The following KCND3 variants were observed in gnomAD, a reference collection of about 807,000 sequenced individuals.
The protein encoded by KCND3 is A-type voltage-gated potassium channel KCND3.
A neutral mutation model predicts 51.1 loss-of-function variants in KCND3; 9 were observed. The ratio of observed to expected loss-of-function variants is 0.18; its 90% CI spans 0.11 to 0.31. The LOEUF is 0.31. KCND3 is among the 10% of genes least tolerant of loss of function. KCND3 has a pLI of 1.00. For synonymous variants in KCND3, 349 were observed against 368.0 expected (o/e 0.95, Z 0.59); for missense variants, 526 against 903.8 (o/e 0.58, Z 5.36).
At chr1:111,942,640 C>A (rs1436720745) in intron 2 of KCND3, among the ~76,000 whole-genome samples, 1 of 152,252 alleles carries the variant, frequency 6.6e-6, no homozygotes, top group Non-Finnish European at 1.5e-5. Context: ...TCTCCACCTT[C>A]CTGTCTCATG....
At chr1:111,975,525 C>A (rs58420091) in intron 2 of KCND3, among the ~76,000 whole-genome samples, 3,511 of 152,272 alleles carry the variant, frequency 0.023, 120 homozygotes, top group African/African-American at 0.08. Context: ...TCAGTCCCAG[C>A]CACCTTGATT....
chr1:111,957,006 T>C (rs1013968847), intron 2 of KCND3, among the ~76,000 whole-genome samples: 52 of 152,226 alleles, frequency 3.4e-4, no homozygotes, highest in Non-Finnish European at 2.6e-4. Flanking sequence ...CAGCGCTATG[T>C]TTAAGACAGA....
At chr1:111,851,659 C>A (rs532651049) in intron 2 of KCND3, among the ~76,000 whole-genome samples, 1 of 152,366 alleles carries the variant, frequency 6.6e-6, no homozygotes, top group South Asian at 2.1e-4. Flanking sequence ...GTCTTCCTCA[C>A]TAGACGTGAG....
intron 2 of KCND3, among the ~76,000 whole-genome samples, chr1:111,930,767 T>C (rs1188383877): frequency 4.6e-5 from 7 of 152,062 alleles, no homozygotes; most frequent in Non-Finnish European, 1.0e-4. Flanking sequence ...TCCAGCAACA[T>C]GGGGATTCTG....
intron 2 of KCND3, among the ~76,000 whole-genome samples, chr1:111,917,524 G>A (rs1300729923): frequency 6.6e-6 from 1 of 152,186 alleles, no homozygotes; most frequent in African/African-American, 2.4e-5. Flanking sequence ...GATGGAGGTG[G>A]TTGTGAGAAA....
intron 2 of KCND3, among the ~76,000 whole-genome samples, chr1:111,839,415 G>T (rs985304219): frequency 1.3e-5 from 2 of 152,224 alleles, no homozygotes; most frequent in Non-Finnish European, 2.9e-5. Flanking sequence ...CTGCCCTTCA[G>T]CATTATCCTA....
At chr1:111,925,046 G>C (rs891779329) in intron 2 of KCND3, among the ~76,000 whole-genome samples, 1 of 152,216 alleles carries the variant, frequency 6.6e-6, no homozygotes, top group Non-Finnish European at 1.5e-5. Context: ...TGATGCTTCA[G>C]ACCTCACCTC....
At chr1:111,817,428 GTA>G (rs1666148985) in intron 2 of KCND3, among the ~76,000 whole-genome samples, 1 of 152,202 alleles carries the variant, frequency 6.6e-6, no homozygotes, top group African/African-American at 2.4e-5. Flanking sequence ...GTGTCACTCA[GTA>G]GTAAATGCAT....
intron 2 of KCND3, among the ~76,000 whole-genome samples, chr1:111,808,956 C>T (rs1665706154): frequency 6.6e-6 from 1 of 152,222 alleles, no homozygotes; most frequent in South Asian, 2.1e-4. Flanking sequence ...CCTGAATGAC[C>T]CCATCCTCCA....
At chr1:111,809,048 G>A (rs1404103773) in intron 2 of KCND3, among the ~76,000 whole-genome samples, 2 of 152,210 alleles carry the variant, frequency 1.3e-5, no homozygotes, top group Admixed American at 6.5e-5. Flanking sequence ...GAAGTGTAAG[G>A]GAGAAGGATT....
At chr1:111,938,707 G>A (rs575274299) in intron 2 of KCND3, among the ~76,000 whole-genome samples, 5 of 152,334 alleles carry the variant, frequency 3.3e-5, no homozygotes, top group East Asian at 3.9e-4. Flanking sequence ...AGGCAGGAAC[G>A]TGCTTGGCTA....
intron 2 of KCND3, among the ~76,000 whole-genome samples, chr1:111,818,482 C>T (rs559770788): frequency 5.3e-5 from 8 of 152,274 alleles, no homozygotes; most frequent in South Asian, 4.1e-4. Context: ...GTTGTGCCAG[C>T]GAGGGGTTTT....
chr1:111,866,937 G>A (rs1557987486), intron 2 of KCND3, among the ~76,000 whole-genome samples: 1 of 152,144 alleles, frequency 6.6e-6, no homozygotes, highest in South Asian at 2.1e-4. Flanking sequence ...CCATTTGAAG[G>A]GCACTGTGAT....
At chr1:111,897,257 C>G (rs1188755995) in intron 2 of KCND3, among the ~76,000 whole-genome samples, 1 of 152,214 alleles carries the variant, frequency 6.6e-6, no homozygotes, top group Non-Finnish European at 1.5e-5. Flanking sequence ...CGGCCTGCCT[C>G]TCTGCACCCT....
At chr1:111,935,744 C>T (rs9429610) in intron 2 of KCND3, among the ~76,000 whole-genome samples, 52,850 of 152,008 alleles carry the variant, frequency 0.35, 9,344 homozygotes, top group Middle Eastern at 0.41. Context: ...GGCAAACTTA[C>T]CCTGTTCATG....
intron 3 of KCND3, among the ~76,000 whole-genome samples, chr1:111,782,654 T>C (rs1477956631): frequency 6.6e-6 from 1 of 152,190 alleles, no homozygotes; most frequent in Non-Finnish European, 1.5e-5. Context: ...CTTATTATAG[T>C]CTTATATAAT....
intron 2 of KCND3, among the ~76,000 whole-genome samples, chr1:111,813,172 G>A (rs1571679592): frequency 6.6e-6 from 1 of 152,094 alleles, no homozygotes; most frequent in East Asian, 1.9e-4. Flanking sequence ...AGGGGTCATA[G>A]TGAGGTCACA....
intron 2 of KCND3, among the ~76,000 whole-genome samples, chr1:111,960,397 G>T (rs532526532): frequency 6.6e-5 from 10 of 152,204 alleles, no homozygotes; most frequent in Non-Finnish European, 1.5e-4. Context: ...TGATAAAGCC[G>T]TATTTAGCAC....
In KCND3 at chr1:111,821,863, G is replaced by GGT. The variant is rs557292228; in HGVS notation, c.1107-34759_1107-34758dup. Among the ~76,000 whole-genome samples the GGT allele has an allele frequency of 2.6e-5, 4 of 152,152 alleles. No individual in the cohort carries two copies. In the East Asian group the frequency reaches 5.8e-4, roughly 22 times the overall value. On this transcript the variant is annotated intron_variant, in intron 2 of 7. Coordinates refer to ENST00000302127, the MANE Select transcript of KCND3 (RefSeq NM_001378969.1). ...GGTGGTGGGGATGGCTGGCTCTGAG[G>GGT]GTGTGTGTGTGTGCTGATGTTACAG...
Sources: gnomAD v4.1 joint callset for allele counts (sites outside exome capture counted in the v4.1 genomes callset) on GRCh38, gnomAD v4.1.1 for gene constraint, MANE v1.5 for transcripts, NCBI Gene and HGNC (gene_info 2026-07-23, HGNC 2026-07-21) for gene names.